The following RPS6KA2 variants were observed in gnomAD, a reference collection of about 807,000 sequenced individuals.
The protein encoded by RPS6KA2 is ribosomal protein S6 kinase alpha-2.
RPS6KA2 carries 42 observed loss-of-function variants against 91.8 expected under a neutral mutation model. The observed-to-expected ratio is 0.46, with a 90% confidence interval of 0.36 to 0.59. The LOEUF (loss-of-function observed/expected upper bound fraction) is 0.59, where lower values mean the gene tolerates loss of function less well. RPS6KA2 is among the 20% of genes least tolerant of loss of function. The pLI is 0.00. For synonymous variants in RPS6KA2, 414 were observed against 393.6 expected (o/e 1.05, Z -0.61); for missense variants, 798 against 978.5 (o/e 0.82, Z 2.46).
intron 9 of RPS6KA2, among the ~76,000 whole-genome samples, chr6:166,489,325 T>C (rs1273502096): frequency 2.6e-5 from 4 of 152,258 alleles, no homozygotes; most frequent in Non-Finnish European, 4.4e-5. Context: ...TTTAGTGGCA[T>C]TGTTCTGCAC....
At chr6:166,856,185 A>G (rs911652396) in intron 2 of RPS6KA2, among the ~76,000 whole-genome samples, 3 of 152,198 alleles carry the variant, frequency 2.0e-5, no homozygotes, top group Non-Finnish European at 4.4e-5. Flanking sequence ...TCCAAAACTC[A>G]TATGTTAAAA....
intron 2 of RPS6KA2, among the ~76,000 whole-genome samples, chr6:166,783,060 T>G (rs1322264358): frequency 0.032 from 784 of 24,738 alleles, 11 homozygotes; most frequent in African/African-American, 0.071. Context: ...ATTATTATTA[T>G]TATTATTATT....
At chr6:166,608,998 G>T (rs928404525) in intron 1 of RPS6KA2, among the ~76,000 whole-genome samples, 4 of 152,174 alleles carry the variant, frequency 2.6e-5, no homozygotes, top group African/African-American at 9.7e-5. Flanking sequence ...CTCAGCCCCA[G>T]TTCAACCCCA....
chr6:166,718,331 A>G (rs1790079273), intron 2 of RPS6KA2, among the ~76,000 whole-genome samples: 1 of 152,150 alleles, frequency 6.6e-6, no homozygotes, highest in South Asian at 2.1e-4. Context: ...TAGTCCCCAC[A>G]GTGCCGATGT....
Position 166,563,408 on chromosome 6 carries a change from T to C in RPS6KA2, c.100-24624A>G, listed in dbSNP as rs1002758977. On this transcript the variant is annotated intron_variant, in intron 1 of 20. Transcript: ENST00000265678. The surrounding 1 kb of genome is among the most constrained non-coding windows in gnomAD (Gnocchi z 4.1). ...CCTGGGCTCGCCGCCAGCGGTGGGA[T>C]CCCTCTTCCTGCACAGAACCGCCTC... 4.6e-5 allele frequency among the ~76,000 whole-genome samples: 7 copies of C among 152,164 alleles called. No individual in the cohort carries two copies. Among genetic ancestry groups the C allele is most frequent in the Non-Finnish European group, 1.0e-4 (7 of 68,022 alleles).
chr6:166,630,797 T>C (rs567020009), upstream of RPS6KA2, among the ~76,000 whole-genome samples: 3 of 152,392 alleles, frequency 2.0e-5, no homozygotes, highest in Admixed American at 6.5e-5. Context: ...TCCTGGGCTG[T>C]GGATCCCCGT....
intron 1 of RPS6KA2, among the ~76,000 whole-genome samples, chr6:166,858,424 C>T (rs1158572409): frequency 1.3e-5 from 2 of 152,222 alleles, no homozygotes; most frequent in Non-Finnish European, 2.9e-5. Context: ...TTATGTTTAA[C>T]TGTGTGATGC....
intron 2 of RPS6KA2, among the ~76,000 whole-genome samples, chr6:166,719,891 C>T (rs1415619083): frequency 6.6e-6 from 1 of 152,150 alleles, no homozygotes; most frequent in Non-Finnish European, 1.5e-5. Flanking sequence ...TTTGCAAATG[C>T]TATGTGCCAA....
chr6:166,850,844 G>C (rs1780721776), intron 2 of RPS6KA2, among the ~76,000 whole-genome samples: 1 of 152,136 alleles, frequency 6.6e-6, no homozygotes, highest in Non-Finnish European at 1.5e-5. Flanking sequence ...TGTGTGACCA[G>C]AGATGCCTGT....
chr6:166,523,867 C>T (rs767352627), intron 3 of RPS6KA2, among the ~76,000 whole-genome samples: 4 of 152,128 alleles, frequency 2.6e-5, no homozygotes, highest in South Asian at 2.1e-4. Flanking sequence ...GGGCTAACTC[C>T]GAGGAGGTTC....
intron 2 of RPS6KA2, among the ~76,000 whole-genome samples, chr6:166,719,083 C>G (rs922086495): frequency 1.3e-5 from 2 of 152,190 alleles, no homozygotes; most frequent in Admixed American, 1.3e-4. Context: ...ACCTCTGTCA[C>G]GCCTGCTCAA....
At position 166,449,874 on chromosome 6, in the gene RPS6KA2, C is replaced by T. The variant is rs62438441; in HGVS notation, c.1207-1025G>A. Among the ~76,000 whole-genome samples the T allele has an allele frequency of 1.8e-4, 22 of 122,670 alleles. 1 individual carries two copies. The highest frequency in any genetic ancestry group is 4.1e-4 in the African/African-American group (14 of 34,542). The allele number at this position is 122,670 out of a possible 152,430, so 80.5% of individuals were successfully genotyped here. ...GAGGACCACCATGGGAACCACCACG[C>T]GGACCACCATGGGACAACCACGAGG... is the stretch of plus-strand genomic sequence containing the variant. On this transcript the variant is annotated intron_variant, in intron 13 of 20. Coordinates refer to ENST00000265678, the MANE Select transcript of RPS6KA2 (RefSeq NM_021135.6).
At chr6:166,717,803 C>T (rs546717501) in intron 2 of RPS6KA2, among the ~76,000 whole-genome samples, 2 of 152,044 alleles carry the variant, frequency 1.3e-5, no homozygotes, top group East Asian at 1.9e-4. Context: ...ATAGATTTTT[C>T]GCCGATGATT....
rs1562471463 is a variant in RPS6KA2 at position 166,852,280 on chromosome 6, C to T, written c.123+5920G>A. Among the ~76,000 whole-genome samples, 1 of 152,148 alleles carries T rather than the reference C, an allele frequency of 6.6e-6. No individual in the cohort carries two copies. The highest frequency in any genetic ancestry group is 6.5e-5 in the Admixed American group (1 of 15,276). On this transcript the variant is annotated intron_variant, in intron 2 of 21. Transcript: ENST00000503859. This position sits in a 1 kb window ranked among gnomAD's most constrained non-coding sequence, Gnocchi z 4.1. ...GATTCACAGGAGGTAATAAGCAGGG[C>T]CTGGAAGATTGTTTTATCAATCTTC...
At chr6:166,547,513 G>A (rs1313208215) in intron 1 of RPS6KA2, among the ~76,000 whole-genome samples, 4 of 152,204 alleles carry the variant, frequency 2.6e-5, no homozygotes, top group African/African-American at 9.7e-5. Context: ...ATGAGAGCTG[G>A]CAGAGCAAAA....
At chr6:166,658,064 T>C (rs1421122091) in intron 2 of RPS6KA2, among the ~76,000 whole-genome samples, 1 of 152,064 alleles carries the variant, frequency 6.6e-6, no homozygotes, top group East Asian at 1.9e-4. Context: ...GCATTTTTAG[T>C]AGAGATGGTG....
chr6:166,498,031 C>T (rs370156404), intron 8 of RPS6KA2, among the ~76,000 whole-genome samples: 21 of 152,232 alleles, frequency 1.4e-4, no homozygotes, highest in East Asian at 5.8e-4. Context: ...GTTCCTAGGG[C>T]GGAGAAGACC....
intron 1 of RPS6KA2, among the ~76,000 whole-genome samples, chr6:166,599,062 T>A (rs1396618549): frequency 2.0e-5 from 3 of 152,158 alleles, no homozygotes; most frequent in Non-Finnish European, 4.4e-5. Flanking sequence ...TCCTAAGAAA[T>A]AATTAAAGAA....
chr6:166,824,785 C>CTATGTGTG (rs1562458538), intron 2 of RPS6KA2, among the ~76,000 whole-genome samples: 1 of 146,304 alleles, frequency 6.8e-6, no homozygotes, highest in Non-Finnish European at 1.5e-5. Flanking sequence ...ACGTGTGTGT[C>CTATGTGTG]TGTGTGTGTG....
Sources: allele counts gnomAD v4.1 joint callset (sites outside exome capture counted in the v4.1 genomes callset), GRCh38; gene constraint gnomAD v4.1.1; non-coding constraint Gnocchi (gnomAD v3.1); transcripts MANE v1.5; gene names NCBI Gene and HGNC (gene_info 2026-07-23, HGNC 2026-07-21).